PLCB1: variants seen among roughly 807,000 people sequenced by gnomAD.
The protein encoded by PLCB1 is 1-phosphatidylinositol 4,5-bisphosphate phosphodiesterase beta-1.
Under a neutral mutation model 161.8 loss-of-function variants are expected in PLCB1, and 46 were observed. The ratio of observed to expected loss-of-function variants is 0.28; its 90% CI spans 0.22 to 0.36. The LOEUF is 0.36. Ranked by LOEUF, PLCB1 falls within the 10% of genes least tolerant of loss-of-function variation. PLCB1 has a pLI of 1.00. For missense variants in PLCB1, 1,016 were observed against 1,472.5 expected (o/e 0.69, Z 5.07); for synonymous variants, 517 against 503.7 (o/e 1.03, Z -0.35).
chr20:8,716,048 G>A, intron 12 of PLCB1: 1 of 542,574 alleles, frequency 1.8e-6, no homozygotes, highest in Non-Finnish European at 3.3e-6. Context: ...GGTCTGCCTT[G>A]GGAACCACCT....
At chr20:8,242,588 C>A (rs1476799522) in intron 2 of PLCB1, among the ~76,000 whole-genome samples, 1 of 151,770 alleles carries the variant, frequency 6.6e-6, no homozygotes, top group African/African-American at 2.4e-5. Context: ...AGAGGCTGAG[C>A]GCCAGAGGTG....
chr20:8,649,630 A>G, intron 7 of PLCB1, 181 bp downstream of exon 7: 1 of 575,404 alleles, frequency 1.7e-6, no homozygotes, highest in South Asian at 2.2e-5. Context: ...TGGCTTTATA[A>G]GAAGAGAAAA....
chr20:8,225,954 T>G (rs1378617404), intron 2 of PLCB1, among the ~76,000 whole-genome samples: 1 of 152,226 alleles, frequency 6.6e-6, no homozygotes, highest in Non-Finnish European at 1.5e-5. Flanking sequence ...TTTTCAGCCT[T>G]AAGTTTCTGC....
intron 3 of PLCB1, among the ~76,000 whole-genome samples, chr20:8,432,185 G>A (rs955861563): frequency 6.6e-6 from 1 of 152,180 alleles, no homozygotes; most frequent in African/African-American, 2.4e-5. Flanking sequence ...TTGGGTGAAA[G>A]AGGGAAACAG....
chr20:8,218,851 A>T (rs1279298067), intron 2 of PLCB1, among the ~76,000 whole-genome samples: 1 of 152,130 alleles, frequency 6.6e-6, no homozygotes, highest in Non-Finnish European at 1.5e-5. Context: ...ATTTATGCAG[A>T]TGCAAAAAAG....
At chr20:8,569,666 T>C (rs1407569507) in intron 3 of PLCB1, among the ~76,000 whole-genome samples, 1 of 152,206 alleles carries the variant, frequency 6.6e-6, no homozygotes, top group Non-Finnish European at 1.5e-5. Context: ...CTGATATTTT[T>C]ATAATCAATA....
chr20:8,769,746 A>C (rs996052699), intron 26 of PLCB1, among the ~76,000 whole-genome samples: 5 of 152,228 alleles, frequency 3.3e-5, no homozygotes, highest in African/African-American at 1.2e-4. Flanking sequence ...AAACTATGTA[A>C]GTATGTAAGT....
intron 31 of PLCB1, among the ~76,000 whole-genome samples, chr20:8,827,610 T>C (rs6086612): frequency 0.29 from 43,962 of 152,140 alleles, 6,523 homozygotes; most frequent in Middle Eastern, 0.41. Context: ...TGTTCCCATG[T>C]AGCTAGTGGC....
At chr20:8,562,191 T>A (rs1045036239) in intron 3 of PLCB1, among the ~76,000 whole-genome samples, 1 of 152,064 alleles carries the variant, frequency 6.6e-6, no homozygotes, top group Non-Finnish European at 1.5e-5. Context: ...CCTCGTTTCT[T>A]TACAGCAGTT....
At chr20:8,879,166 C>T (rs1987884847) in intron 31 of PLCB1, among the ~76,000 whole-genome samples, 1 of 152,030 alleles carries the variant, frequency 6.6e-6, no homozygotes, top group African/African-American at 2.4e-5. Flanking sequence ...GCCTACTATT[C>T]CACATTATAA....
At chr20:8,570,663 CAATA>C (rs901255196) in intron 3 of PLCB1, among the ~76,000 whole-genome samples, 10 of 88,302 alleles carry the variant, frequency 1.1e-4, no homozygotes, top group African/African-American at 3.4e-4. Context: ...CCAGAAACAA[CAATA>C]AATAAGACAG....
chr20:8,164,693 G>A (rs1328602800), intron 2 of PLCB1, among the ~76,000 whole-genome samples: 1 of 152,148 alleles, frequency 6.6e-6, no homozygotes, highest in Non-Finnish European at 1.5e-5. Context: ...GTAATATCTG[G>A]ACTCACTTTT....
chr20:8,269,453 A>G (rs2743179), intron 2 of PLCB1, among the ~76,000 whole-genome samples: 2,504 of 152,302 alleles, frequency 0.016, 67 homozygotes, highest in African/African-American at 0.056. Context: ...TAAATGAGAT[A>G]ATGCATGTCA....
chr20:8,341,203 G>GT (rs2122224198), intron 2 of PLCB1, among the ~76,000 whole-genome samples: 1 of 152,116 alleles, frequency 6.6e-6, no homozygotes, highest in South Asian at 2.1e-4. Context: ...AAATCAACAG[G>GT]TACTACTCAT....
chr20:8,240,097 G>T (rs1228166502), intron 2 of PLCB1, among the ~76,000 whole-genome samples: 1 of 151,672 alleles, frequency 6.6e-6, no homozygotes, highest in African/African-American at 2.4e-5. Context: ...CTTAGACTAT[G>T]CCTCTGATTT....
intron 3 of PLCB1, among the ~76,000 whole-genome samples, chr20:8,467,358 A>C (rs1010352540): frequency 1.3e-5 from 2 of 152,210 alleles, no homozygotes; most frequent in African/African-American, 4.8e-5. Flanking sequence ...AATTTGACTT[A>C]TAAATCCACC....
At chr20:8,173,328 A>G (rs2051751315) in intron 2 of PLCB1, among the ~76,000 whole-genome samples, 1 of 152,142 alleles carries the variant, frequency 6.6e-6, no homozygotes, top group African/African-American at 2.4e-5. Context: ...TCTCTCACCA[A>G]GAGACACTGT....
At chr20:8,760,094 C>T (rs544341772) in intron 24 of PLCB1, among the ~76,000 whole-genome samples, 1 of 151,952 alleles carries the variant, frequency 6.6e-6, no homozygotes, top group South Asian at 2.1e-4. Context: ...TTAGTAGAGA[C>T]AGGGTTTCAC....
intron 31 of PLCB1, among the ~76,000 whole-genome samples, chr20:8,822,230 A>T (rs1479200362): frequency 6.6e-6 from 1 of 152,206 alleles, no homozygotes; most frequent in East Asian, 1.9e-4. Flanking sequence ...GGGCAATAGA[A>T]GGTTGCATAT....
Sources: gnomAD v4.1 joint callset for allele counts (sites outside exome capture counted in the v4.1 genomes callset) on GRCh38, gnomAD v4.1.1 for gene constraint, MANE v1.5 for transcripts, NCBI Gene and HGNC (gene_info 2026-07-23, HGNC 2026-07-21) for gene names.